Variants in IL1RAPL2 observed in about 807,000 individuals in gnomAD.
The protein encoded by IL1RAPL2 is X-linked interleukin-1 receptor accessory protein-like 2.
In IL1RAPL2, 3 loss-of-function variants were observed where a neutral mutation model predicts 44.1. That is an observed-to-expected ratio of 0.07 (90% CI 0.03 to 0.18). The LOEUF (loss-of-function observed/expected upper bound fraction) is 0.18. Ranked by LOEUF, IL1RAPL2 falls within the 10% of genes least tolerant of loss-of-function variation. The pLI, the probability that IL1RAPL2 is intolerant of heterozygous loss-of-function variation, is 1.00. For missense variants in IL1RAPL2, 391 were observed against 496.4 expected (o/e 0.79, Z 2.02); for synonymous variants, 181 against 178.8 (o/e 1.01, Z -0.10).
intron 2 of IL1RAPL2, among the ~76,000 whole-genome samples, chrX:104,671,194 A>ACT (rs1484723836): frequency 9.0e-6 from 1 of 110,821 alleles, no homozygotes. Context: ...ACACACACAC[A>ACT]CGCACACACA....
At chrX:105,414,491 C>T (rs13440863) in intron 5 of IL1RAPL2, among the ~76,000 whole-genome samples, 3,405 of 111,817 alleles carry the variant, frequency 0.03, 139 homozygotes, top group African/African-American at 0.1. Flanking sequence ...ATTCTTCAAA[C>T]TCCTTAACTT....
At chrX:105,067,397 C>A (rs1010087849) in intron 2 of IL1RAPL2, among the ~76,000 whole-genome samples, 2 of 111,422 alleles carry the variant, frequency 1.8e-5, no homozygotes, top group Non-Finnish European at 3.8e-5. Flanking sequence ...ACAGCCAAGA[C>A]TGAAAAACCC....
At chrX:104,639,226 G>A (rs1368739247) in intron 1 of IL1RAPL2, among the ~76,000 whole-genome samples, 1 of 111,421 alleles carries the variant, frequency 9.0e-6, no homozygotes, top group South Asian at 3.8e-4. Flanking sequence ...TAGCAGGCAT[G>A]ACATAAGTTA....
chrX:105,445,232 A>T (rs2035946535), intron 5 of IL1RAPL2, among the ~76,000 whole-genome samples: 1 of 111,899 alleles, frequency 8.9e-6, no homozygotes, highest in Admixed American at 9.5e-5. Flanking sequence ...AGTATCAGTT[A>T]TAATGTCTTT....
At chrX:104,734,034 A>G (rs1187034137) in intron 2 of IL1RAPL2, among the ~76,000 whole-genome samples, 4 of 112,395 alleles carry the variant, frequency 3.6e-5, no homozygotes, top group African/African-American at 1.3e-4. Context: ...AATAAAGTAC[A>G]TGAAAAGATG....
chrX:104,936,486 A>G (rs1925030081), intron 2 of IL1RAPL2, among the ~76,000 whole-genome samples: 1 of 111,400 alleles, frequency 9.0e-6, no homozygotes, highest in Non-Finnish European at 1.9e-5. Flanking sequence ...CAAGACATAG[A>G]TTTAGAGCTA....
At chrX:105,030,092 T>TG (rs2031458912) in intron 2 of IL1RAPL2, among the ~76,000 whole-genome samples, 1 of 111,426 alleles carries the variant, frequency 9.0e-6, no homozygotes, top group South Asian at 3.8e-4. Context: ...CACTTTTTGA[T>TG]GGGTTTGTTT....
At chrX:104,702,626 C>T (rs1202494211) in intron 2 of IL1RAPL2, among the ~76,000 whole-genome samples, 1 of 111,557 alleles carries the variant, frequency 9.0e-6, no homozygotes, top group Non-Finnish European at 1.9e-5. Flanking sequence ...TGTTTCATTC[C>T]TCCTTAAAGT....
At chrX:105,675,257 T>C (rs1460909934) in intron 6 of IL1RAPL2, among the ~76,000 whole-genome samples, 3 of 111,505 alleles carry the variant, frequency 2.7e-5, no homozygotes, top group Non-Finnish European at 5.6e-5. Flanking sequence ...AGAGGAATGT[T>C]TCCAGGTTTT....
At chrX:104,913,418 G>T (rs1924309746) in intron 2 of IL1RAPL2, among the ~76,000 whole-genome samples, 1 of 111,359 alleles carries the variant, frequency 9.0e-6, no homozygotes, top group South Asian at 3.8e-4. Flanking sequence ...TTTCTTCATG[G>T]TATATCACTT....
intron 2 of IL1RAPL2, among the ~76,000 whole-genome samples, chrX:104,728,460 C>T (rs1270091626): frequency 7.2e-5 from 8 of 111,543 alleles, no homozygotes; most frequent in African/African-American, 2.6e-4. Context: ...ATTATGTCCC[C>T]TCAAATTCAT....
At chrX:105,408,028 T>C (rs2035661598) in intron 5 of IL1RAPL2, among the ~76,000 whole-genome samples, 1 of 111,951 alleles carries the variant, frequency 8.9e-6, no homozygotes, top group African/African-American at 3.2e-5. Flanking sequence ...GCTACTGCAA[T>C]CAAAGCTTAT....
At chrX:105,601,640 C>T (rs749432058) in intron 6 of IL1RAPL2, among the ~76,000 whole-genome samples, 7 of 111,394 alleles carry the variant, frequency 6.3e-5, no homozygotes, top group Non-Finnish European at 9.4e-5. Flanking sequence ...TGCCTTAAGT[C>T]CATGTAGCTA....
intron 5 of IL1RAPL2, among the ~76,000 whole-genome samples, chrX:105,355,660 C>G (rs754475976): frequency 9.0e-6 from 1 of 111,490 alleles, no homozygotes; most frequent in South Asian, 3.8e-4. Context: ...TAAATGTAAT[C>G]TGTATGAATC....
intron 6 of IL1RAPL2, among the ~76,000 whole-genome samples, chrX:105,511,975 T>C (rs1421393928): frequency 9.0e-6 from 1 of 111,203 alleles, no homozygotes; most frequent in African/African-American, 3.3e-5. Flanking sequence ...GACTAAAAAC[T>C]TGAGTAAGCC....
intron 2 of IL1RAPL2, among the ~76,000 whole-genome samples, chrX:104,711,087 C>T (rs1359425678): frequency 9.0e-6 from 1 of 111,329 alleles, no homozygotes; most frequent in Non-Finnish European, 1.9e-5. Flanking sequence ...TGTACCTTTC[C>T]TATGTTCAGG....
intron 6 of IL1RAPL2, among the ~76,000 whole-genome samples, chrX:105,596,648 T>C (rs1401155345): frequency 8.9e-6 from 1 of 111,971 alleles, no homozygotes; most frequent in Non-Finnish European, 1.9e-5. Flanking sequence ...CTGGATGGAA[T>C]GTTATGTATA....
intron 2 of IL1RAPL2, among the ~76,000 whole-genome samples, chrX:104,930,961 C>T (rs1404488339): frequency 9.0e-6 from 1 of 111,301 alleles, no homozygotes; most frequent in Non-Finnish European, 1.9e-5. Context: ...TTATGCCATA[C>T]TGTACCAATA....
At chrX:104,585,230 G>A (rs866309334) in intron 1 of IL1RAPL2, among the ~76,000 whole-genome samples, 1 of 41,145 alleles carries the variant, frequency 2.4e-5, no homozygotes, top group African/African-American at 1.5e-4. Context: ...GTATATATGT[G>A]TATATATATA....
Sources: allele counts gnomAD v4.1 joint callset (sites outside exome capture counted in the v4.1 genomes callset), GRCh38; gene constraint gnomAD v4.1.1; transcripts MANE v1.5; gene names NCBI Gene and HGNC (gene_info 2026-07-23, HGNC 2026-07-21).